RPTOR: variants seen among roughly 807,000 people sequenced by gnomAD.
RPTOR encodes the protein regulatory-associated protein of mTOR.
In RPTOR, 21 loss-of-function variants were observed where a neutral mutation model predicts 169.9. That is an observed-to-expected ratio of 0.12 (90% CI 0.09 to 0.18). The LOEUF is 0.18. Among genes scored for constraint, RPTOR ranks in the 10% least tolerant of loss-of-function variants. The pLI is 1.00. For missense variants in RPTOR, 1,133 were observed against 1,855.9 expected, an observed-to-expected ratio of 0.61 and a Z score of 7.16; for synonymous variants, 732 against 753.2, an observed-to-expected ratio of 0.97 and a Z score of 0.46.
At chr17:80,567,428 G>A (rs557708258) in intron 1 of RPTOR, among the ~76,000 whole-genome samples, 10 of 151,926 alleles carry the variant, frequency 6.6e-5, no homozygotes, top group South Asian at 2.1e-4. Context: ...GCTCTCCCCC[G>A]TCCTTTTGCT....
intron 3 of RPTOR, among the ~76,000 whole-genome samples, chr17:80,706,318 G>A (rs1449230408): frequency 2.0e-5 from 3 of 152,044 alleles, no homozygotes; most frequent in Non-Finnish European, 2.9e-5. Flanking sequence ...TCTTTGTTGG[G>A]AGTTCACCAT....
intron 5 of RPTOR, among the ~76,000 whole-genome samples, chr17:80,747,932 A>G (rs1422077877): frequency 6.8e-6 from 1 of 147,852 alleles, no homozygotes; most frequent in Non-Finnish European, 1.5e-5. Flanking sequence ...TGCAGTGTTT[A>G]GAGGCCATGG....
intron 3 of RPTOR, among the ~76,000 whole-genome samples, chr17:80,645,143 T>C (rs1004127858): frequency 4.6e-5 from 7 of 152,200 alleles, no homozygotes; most frequent in African/African-American, 7.2e-5. Flanking sequence ...GTGTTTTCCA[T>C]AGATAATAGC....
intron 20 of RPTOR, among the ~76,000 whole-genome samples, chr17:80,899,374 T>A (rs2068446869): frequency 6.6e-6 from 1 of 152,296 alleles, no homozygotes; most frequent in Non-Finnish European, 1.5e-5. Flanking sequence ...GCAGAAATTC[T>A]ACTTATAAAT....
At chr17:80,577,165 G>A (rs973034993) in intron 1 of RPTOR, among the ~76,000 whole-genome samples, 2 of 151,826 alleles carry the variant, frequency 1.3e-5, no homozygotes, top group African/African-American at 4.8e-5. Flanking sequence ...CCAAGTAGCT[G>A]AAATTACAGG....
chr17:80,722,382 TG>T (rs2066293907), intron 4 of RPTOR, among the ~76,000 whole-genome samples: 1 of 151,038 alleles, frequency 6.6e-6, no homozygotes, highest in East Asian at 1.9e-4. Context: ...TTTGATTGCC[TG>T]GGAGAAGATG....
intron 6 of RPTOR, among the ~76,000 whole-genome samples, chr17:80,772,596 G>A (rs2066855768): frequency 6.8e-6 from 1 of 147,570 alleles, no homozygotes; most frequent in Non-Finnish European, 1.5e-5. Flanking sequence ...CCCTGATGAG[G>A]GGCAGCTGCC....
At chr17:80,875,648 C>A (rs920572206) in intron 13 of RPTOR, among the ~76,000 whole-genome samples, 5 of 152,124 alleles carry the variant, frequency 3.3e-5, no homozygotes. Flanking sequence ...TTCATCTGAG[C>A]CCCGAGTCTC....
intron 1 of RPTOR, among the ~76,000 whole-genome samples, chr17:80,585,192 TATTATTATTA>T (rs2065048843): frequency 6.7e-6 from 1 of 148,524 alleles, no homozygotes; most frequent in African/African-American, 2.5e-5. Flanking sequence ...TTATTATTAT[TATTATTATTA>T]TTTTTGTTTT....
At chr17:80,961,799 G>A (rs531229582) in intron 31 of RPTOR, 17 of 342,924 alleles carry the variant, frequency 5.0e-5, no homozygotes, top group East Asian at 3.1e-4. Context: ...CAGGGGCGGC[G>A]CGTCTGCCAG....
chr17:80,762,796 A>G (rs1199371908), intron 6 of RPTOR, among the ~76,000 whole-genome samples: 1 of 152,196 alleles, frequency 6.6e-6, no homozygotes, highest in East Asian at 1.9e-4. Context: ...GGGGAGAAAC[A>G]TGAGAGGCAG....
At chr17:80,611,471 T>C (rs2065270348) in intron 1 of RPTOR, among the ~76,000 whole-genome samples, 1 of 152,140 alleles carries the variant, frequency 6.6e-6, no homozygotes, top group Non-Finnish European at 1.5e-5. Context: ...TTCACCATGT[T>C]GGCCAGGCTG....
At chr17:80,799,491 C>G (rs1218280282) in intron 7 of RPTOR, among the ~76,000 whole-genome samples, 1 of 152,210 alleles carries the variant, frequency 6.6e-6, no homozygotes, top group Non-Finnish European at 1.5e-5. Context: ...CTGTTTCATT[C>G]TTTTGTCTCA....
Position 80,746,507 on chromosome 17 carries a change from G to C in RPTOR, c.655-7503G>C, listed in dbSNP as rs544115886. On this transcript the variant is annotated intron_variant, in intron 5 of 33. Coordinates refer to ENST00000306801, the MANE Select transcript of RPTOR (RefSeq NM_020761.3). The surrounding 1 kb of genome is among the most constrained non-coding windows in gnomAD (Gnocchi z 4.5). ...GGATCCGGTTGCTGTGTATCGCATC[G>C]CAAGACTTTTCTGGATCCTTCCCAA... 1.3e-5 allele frequency among the ~76,000 whole-genome samples: 2 copies of C among 152,210 alleles called. No individual in the cohort carries two copies. Among genetic ancestry groups the C allele is most frequent in the Non-Finnish European group, 2.9e-5 (2 of 68,040 alleles).
intron 4 of RPTOR, among the ~76,000 whole-genome samples, chr17:80,719,399 A>G (rs541231958): frequency 6.6e-6 from 1 of 152,274 alleles, no homozygotes; most frequent in East Asian, 1.9e-4. Context: ...GCAGCTCCCC[A>G]TTTCTGAGAA....
chr17:80,788,040 G>A (rs1015505765), intron 6 of RPTOR, among the ~76,000 whole-genome samples: 3 of 152,146 alleles, frequency 2.0e-5, no homozygotes, highest in African/African-American at 7.2e-5. Context: ...ATCTGAAAGT[G>A]TCTTCCTCAT....
chr17:80,915,510 G>C (rs1411186880), intron 21 of RPTOR, among the ~76,000 whole-genome samples: 4 of 132,666 alleles, frequency 3.0e-5, no homozygotes, highest in Non-Finnish European at 6.5e-5. Flanking sequence ...CCTCTCTGCT[G>C]AGAGCTGAGC....
At chr17:80,680,106 T>C (rs139048615) in intron 3 of RPTOR, among the ~76,000 whole-genome samples, 1 of 152,336 alleles carries the variant, frequency 6.6e-6, no homozygotes, top group African/African-American at 2.4e-5. Context: ...CTCCTCAGCC[T>C]GCTGGCTCTT....
chr17:80,669,302 C>T (rs1282114958), intron 3 of RPTOR, among the ~76,000 whole-genome samples: 2 of 152,384 alleles, frequency 1.3e-5, no homozygotes, highest in East Asian at 1.9e-4. Flanking sequence ...ACAGAACACC[C>T]GGAGTGCTGC....
Sources: gnomAD v4.1 joint callset for allele counts (sites outside exome capture counted in the v4.1 genomes callset) on GRCh38, gnomAD v4.1.1 for gene constraint, Gnocchi (gnomAD v3.1) non-coding constraint, MANE v1.5 for transcripts, NCBI Gene and HGNC (gene_info 2026-07-23, HGNC 2026-07-21) for gene names.